Variants in TG observed in about 807,000 individuals in gnomAD.
TG encodes the protein thyroid hormones.
TG carries 270 observed loss-of-function variants against 324.7 expected under a neutral mutation model. That is an observed-to-expected ratio of 0.83 (90% confidence interval 0.75 to 0.92). The LOEUF (loss-of-function observed/expected upper bound fraction) is 0.92. Among genes scored for constraint, TG ranks in the 40% least tolerant of loss-of-function variants. TG has a pLI of 0.00. For synonymous variants in TG, 1,401 were observed against 1,327.0 expected (o/e 1.06, Z -1.21); for missense variants, 3,591 against 3,456.4 (o/e 1.04, Z -0.98).
At chr8:133,050,185 C>T (rs1840145713) in intron 41 of TG, 1 of 575,934 alleles carries the variant, frequency 1.7e-6, no homozygotes, top group Admixed American at 2.8e-5. Flanking sequence ...GGATAGCCCT[C>T]CATTGCAAGC....
At chr8:133,014,874 A>G (rs924735886) in intron 37 of TG, among the ~76,000 whole-genome samples, 2 of 152,048 alleles carry the variant, frequency 1.3e-5, no homozygotes, top group Non-Finnish European at 2.9e-5. Flanking sequence ...CATTTATATT[A>G]TTTAGTCAGG....
At chr8:133,026,075 T>C (rs1024960060) in intron 40 of TG, among the ~76,000 whole-genome samples, 1 of 152,202 alleles carries the variant, frequency 6.6e-6, no homozygotes, top group Non-Finnish European at 1.5e-5. Flanking sequence ...GGCAGGGCTG[T>C]GTTTTTATCA....
chr8:133,088,416 A>C (rs530035417), intron 41 of TG, among the ~76,000 whole-genome samples: 6 of 152,146 alleles, frequency 3.9e-5, no homozygotes, highest in Non-Finnish European at 8.8e-5. Context: ...TGGGGGGAAC[A>C]ATGAAACCTT....
intron 41 of TG, among the ~76,000 whole-genome samples, chr8:133,053,690 C>A (rs555669467): frequency 1.1e-4 from 16 of 152,238 alleles, no homozygotes; most frequent in Non-Finnish European, 2.1e-4. Context: ...TCTTTCCTAA[C>A]ATTAAAAACA....
At chr8:133,054,162 A>G (rs919349775) in intron 41 of TG, among the ~76,000 whole-genome samples, 6 of 152,000 alleles carry the variant, frequency 3.9e-5, no homozygotes, top group Non-Finnish European at 7.4e-5. Context: ...ATTATCATCT[A>G]CTCCTAGAAC....
intron 43 of TG, chr8:133,106,279 G>C (rs1007000061): frequency 1.7e-4 from 65 of 384,542 alleles, no homozygotes; most frequent in Non-Finnish European, 2.1e-4. Flanking sequence ...CTTGGGGTTT[G>C]CAGCAGGAGG....
At chr8:133,048,082 A>G in intron 41 of TG, 1 of 591,400 alleles carries the variant, frequency 1.7e-6, no homozygotes, top group Non-Finnish European at 3.0e-6. Flanking sequence ...TCCACAGATG[A>G]GAATACTGAG....
rs377584841 is a variant in TG, at chr8:133,134,625, A to G, written c.8189-51A>G. ...TGGGACAAAAGGAAGGGACCAGAGAAGAGAAGTCCTAATCTGGCTTGGACC... is the reference window on the plus strand; with the variant it reads ...TGGGACAAAAGGAAGGGACCAGAGAGGAGAAGTCCTAATCTGGCTTGGACC... On this transcript the variant is annotated intron_variant, in intron 47 of 47. Coordinates refer to ENST00000220616, the MANE Select transcript of TG (RefSeq NM_003235.5). 4.6e-5 allele frequency: 69 copies of G among 1,495,722 alleles called. No homozygotes were observed. The African/African-American group carries it at 8.5e-4, about 19-fold the overall frequency. The allele number at this position is 1,495,722 out of a possible 1,614,324, so 92.7% of individuals were successfully genotyped here.
intron 34 of TG, among the ~76,000 whole-genome samples, chr8:132,978,431 C>T (rs1176562365): frequency 1.3e-5 from 2 of 152,166 alleles, no homozygotes. Context: ...AGGGGACACA[C>T]CTCCAAACCA....
intron 44 of TG, among the ~76,000 whole-genome samples, chr8:133,115,707 T>G (rs1191191399): frequency 1.3e-5 from 2 of 152,192 alleles, no homozygotes; most frequent in Non-Finnish European, 2.9e-5. Context: ...ACCTTTACTC[T>G]GCAATGCAGA....
chr8:133,023,966 G>A (rs1835787518), intron 40 of TG, among the ~76,000 whole-genome samples: 1 of 152,188 alleles, frequency 6.6e-6, no homozygotes, highest in Admixed American at 6.5e-5. Context: ...TTGCTCAAGG[G>A]AAAAACCATC....
chr8:132,885,709 C>T (rs1276420549), intron 8 of TG, among the ~76,000 whole-genome samples: 2 of 152,144 alleles, frequency 1.3e-5, no homozygotes, highest in Non-Finnish European at 2.9e-5. Flanking sequence ...CAACAAGTCA[C>T]CACAAACCAG....
intron 41 of TG, among the ~76,000 whole-genome samples, chr8:133,077,743 G>A (rs1433036913): frequency 6.6e-6 from 1 of 151,312 alleles, no homozygotes; most frequent in African/African-American, 2.4e-5. Context: ...GTATGTGTGT[G>A]TGTGTGTGTG....
chr8:133,103,471 A>G (rs1383605626), intron 43 of TG, among the ~76,000 whole-genome samples: 2 of 152,198 alleles, frequency 1.3e-5, no homozygotes, highest in African/African-American at 4.8e-5. Flanking sequence ...TATGGTTCAG[A>G]GAAAGCTGAG....
At chr8:133,031,258 G>A (rs1476280681) in intron 41 of TG, among the ~76,000 whole-genome samples, 2 of 152,132 alleles carry the variant, frequency 1.3e-5, no homozygotes, top group Non-Finnish European at 1.5e-5. Context: ...TTAGCATAAT[G>A]TCTTTAAGGT....
intron 27 of TG, among the ~76,000 whole-genome samples, chr8:132,959,219 G>A (rs969398092): frequency 1.3e-5 from 2 of 152,178 alleles, no homozygotes; most frequent in Non-Finnish European, 2.9e-5. Flanking sequence ...GTTTTCCAGA[G>A]AGTTCAGTTC....
At chr8:133,016,814 T>C (rs1335320285) in intron 37 of TG, among the ~76,000 whole-genome samples, 1 of 152,028 alleles carries the variant, frequency 6.6e-6, no homozygotes, top group Non-Finnish European at 1.5e-5. Context: ...CCAACAAAAG[T>C]TTACCAGATC....
intron 35 of TG, among the ~76,000 whole-genome samples, chr8:132,992,093 C>T (rs560909497): frequency 6.6e-6 from 1 of 152,258 alleles, no homozygotes; most frequent in Non-Finnish European, 1.5e-5. Context: ...CCTTGGCTGC[C>T]TTTCCCCTTT....
chr8:132,997,294 T>C (rs549092426), intron 35 of TG, among the ~76,000 whole-genome samples: 1 of 152,244 alleles, frequency 6.6e-6, no homozygotes, highest in East Asian at 1.9e-4. Flanking sequence ...TGAGATTATG[T>C]GTTCAGTTTT....
Sources: gnomAD v4.1 joint callset for allele counts (sites outside exome capture counted in the v4.1 genomes callset) on GRCh38, gnomAD v4.1.1 for gene constraint, MANE v1.5 for transcripts, NCBI Gene and HGNC (gene_info 2026-07-23, HGNC 2026-07-21) for gene names.